The following ZNF431 variants were observed in gnomAD, a reference collection of about 807,000 sequenced individuals.
ZNF431 encodes zinc finger protein 431.
Under a neutral mutation model 57.0 loss-of-function variants are expected in ZNF431, and 34 were observed. The observed-to-expected ratio is 0.60, with a 90% confidence interval of 0.45 to 0.79. ZNF431 has a LOEUF of 0.79. ZNF431 is among the 30% of genes least tolerant of loss of function. The pLI is 0.00. For missense variants in ZNF431, 607 were observed against 667.1 expected, an observed-to-expected ratio of 0.91 and a Z score of 0.99; for synonymous variants, 207 against 220.3, an observed-to-expected ratio of 0.94 and a Z score of 0.54.
At chr19:21,180,944 GA>G (rs926830855) in intron 4 of ZNF431, among the ~76,000 whole-genome samples, 3,066 of 68,018 alleles carry the variant, frequency 0.045, 63 homozygotes, top group African/African-American at 0.11. Flanking sequence ...CATATCAAAA[GA>G]AAAAAAAAAA....
At chr19:21,157,641 C>G (rs922879601) in intron 2 of ZNF431, among the ~76,000 whole-genome samples, 5 of 151,890 alleles carry the variant, frequency 3.3e-5, no homozygotes, top group Admixed American at 1.3e-4. Flanking sequence ...AAGCTATTCT[C>G]CTGCCTCAGC....
chr19:21,165,413 G>A (rs942958649), intron 2 of ZNF431, among the ~76,000 whole-genome samples: 1 of 152,112 alleles, frequency 6.6e-6, no homozygotes. Context: ...TATGGAATGC[G>A]GGAGATATCT....
intron 4 of ZNF431, among the ~76,000 whole-genome samples, chr19:21,179,939 A>C (rs2065562765): frequency 6.6e-6 from 1 of 152,142 alleles, no homozygotes; most frequent in Non-Finnish European, 1.5e-5. Context: ...AGAAATAAAG[A>C]GGAGCAAGTT....
At chr19:21,175,350 T>A in intron 4 of ZNF431, 1 of 671,548 alleles carries the variant, frequency 1.5e-6, no homozygotes, top group Middle Eastern at 3.3e-4. Flanking sequence ...ATTAAGTAAT[T>A]TAACTAATTT....
rs2145076332 is a variant in ZNF431 at position 21,190,153 on chromosome 19, A to AGT, written c.*6121_*6122dup. On this transcript the variant is annotated 3_prime_UTR_variant, in exon 5 of 5. Transcript: ENST00000311048. The stretch of plus-strand genomic sequence containing the variant: ...CACTGCACTCCATCCTGGGCAACAG[A>AGT]GTGAGACTCGGTCTCAAGAGGGAAA... 2.8e-6 allele frequency: 1 copy of AGT among 355,550 alleles called. No individual in the cohort carries two copies. The highest frequency in any genetic ancestry group is 4.2e-5 in the East Asian group (1 of 24,064). The allele number at this position is 355,550 out of a possible 1,614,324, so 22.0% of individuals were successfully genotyped here.
chr19:21,161,038 C>T (rs987721510), intron 2 of ZNF431, among the ~76,000 whole-genome samples: 3 of 151,940 alleles, frequency 2.0e-5, no homozygotes, highest in Non-Finnish European at 4.4e-5. Context: ...CTTGGTGGCA[C>T]GTGCCTGTAA....
chr19:21,189,915 C>T lies in ZNF431; in HGVS notation c.*5881C>T. ...AATCCCAGCTCTGGGAGGCCAAGGC[C>T]AGTGGATTGCTTGAGCCCAGGAGTT... is the stretch of plus-strand genomic sequence containing the variant. On this transcript the variant is annotated 3_prime_UTR_variant, in exon 5 of 5. Transcript: ENST00000311048. 2.5e-6 allele frequency: 1 copy of T among 397,838 alleles called. No individual in the cohort carries two copies. Among genetic ancestry groups the T allele is most frequent in the Non-Finnish European group, 4.4e-6 (1 of 225,980 alleles). The allele number at this position is 397,838 out of a possible 1,614,324, so 24.6% of individuals were successfully genotyped here.
At chr19:21,159,983 T>G (rs1269255671) in intron 2 of ZNF431, among the ~76,000 whole-genome samples, 1 of 1,064 alleles carries the variant, frequency 9.4e-4, no homozygotes, top group Non-Finnish European at 4.9e-3. Context: ...TGCCTCAGCC[T>G]TTTTTTTTTT....
chr19:21,142,411 C>T (rs1307021020), intron 1 of ZNF431, among the ~76,000 whole-genome samples: 1 of 152,174 alleles, frequency 6.6e-6, no homozygotes, highest in African/African-American at 2.4e-5. Flanking sequence ...TGACTGTGCC[C>T]TGGCCTGGAG....
At chr19:21,152,279 G>A (rs1009833041) in intron 2 of ZNF431, among the ~76,000 whole-genome samples, 1 of 152,194 alleles carries the variant, frequency 6.6e-6, no homozygotes, top group East Asian at 1.9e-4. Context: ...AGGGTAGGAA[G>A]GCAAAGAGCT....
At chr19:21,166,572 C>T (rs1970726475) in intron 3 of ZNF431, 111 bp downstream of exon 3, 1 of 1,259,692 alleles carries the variant, frequency 7.9e-7, no homozygotes, top group South Asian at 1.6e-5. Context: ...TTTCTAATCC[C>T]AGTTTTCAAG....
At chr19:21,176,925 G>A (rs1215669300) in intron 4 of ZNF431, among the ~76,000 whole-genome samples, 1 of 152,066 alleles carries the variant, frequency 6.6e-6, no homozygotes, top group Non-Finnish European at 1.5e-5. Context: ...TTGAACTCCT[G>A]ACCCCATCCT....
At chr19:21,158,172 G>GT (rs1970473400) in intron 2 of ZNF431, among the ~76,000 whole-genome samples, 1 of 151,918 alleles carries the variant, frequency 6.6e-6, no homozygotes, top group Admixed American at 6.6e-5. Flanking sequence ...AGCATAACAT[G>GT]TTTTTTTAAT....
intron 2 of ZNF431, among the ~76,000 whole-genome samples, chr19:21,154,454 A>G (rs1486556525): frequency 6.6e-6 from 1 of 152,114 alleles, no homozygotes; most frequent in Non-Finnish European, 1.5e-5. Context: ...AGTCTTTGCT[A>G]TTGTGAATAG....
intron 4 of ZNF431, among the ~76,000 whole-genome samples, chr19:21,176,071 A>G (rs1043078975): frequency 6.6e-6 from 1 of 152,176 alleles, no homozygotes; most frequent in Non-Finnish European, 1.5e-5. Context: ...ATTTCTCCAT[A>G]GCCTCCCCAC....
chr19:21,143,616 T>C lies in ZNF431; in HGVS notation c.69T>C (p.Asn23=). ...GTGGATGCCCTGGGGCTGAGAGGAATCTTCTAGTTTACTCTTATTTTGAAA... is the reference window on the plus strand; with the variant it reads ...GTGGATGCCCTGGGGCTGAGAGGAACCTTCTAGTTTACTCTTATTTTGAAA... ...EASGCPGAER[N]LLVYSYFEKE... Residue 23 remains asparagine (N), a synonymous_variant, in exon 2 of 5, where the codon AAT becomes AAC. Coordinates refer to ENST00000311048, the MANE Select transcript of ZNF431 (RefSeq NM_133473.4). 6.2e-7 allele frequency: 1 copy of C among 1,613,756 alleles called. No individual in the cohort carries two copies. Among genetic ancestry groups the C allele is most frequent in the Non-Finnish European group, 8.5e-7 (1 of 1,179,680 alleles).
rs1376168344 is a variant in ZNF431 at position 21,186,982 on chromosome 19, CATG to C, written c.*2950_*2952del. ...TAAGTACTAGGGAGGCTTCATTAGT[CATG>C]AGGATGTTTTTATATATAAATGTAG... On this transcript the variant is annotated 3_prime_UTR_variant, in exon 5 of 5. Coordinates refer to ENST00000311048, the MANE Select transcript of ZNF431 (RefSeq NM_133473.4). The C allele has an allele frequency of 6.6e-6, 1 of 152,000 alleles. No individual in the cohort carries two copies. Among genetic ancestry groups the C allele is most frequent in the Non-Finnish European group, 1.5e-5 (1 of 68,002 alleles). 9.4% of individuals were successfully genotyped at this position (152,000 alleles called of 1,614,324 possible). A position where few individuals can be genotyped will look rare whatever the true frequency, so the allele number is the denominator to read the frequency against.
rs1479062690 is a variant in ZNF431, at chr19:21,185,920, G to A, written c.*1886G>A. ...CAATTAAATTTTTATTTACCACAGT[G>A]TTATTTTTATCGTCATAATAAAAAT... is the stretch of plus-strand genomic sequence containing the variant. On this transcript the variant is annotated 3_prime_UTR_variant, in exon 5 of 5. Transcript: ENST00000311048. The A allele has an allele frequency of 6.6e-6, 1 of 152,014 alleles. No homozygotes were observed. Among genetic ancestry groups the A allele is most frequent in the Non-Finnish European group, 1.5e-5 (1 of 68,000 alleles). The allele number at this position is 152,014 out of a possible 1,614,324, so 9.4% of individuals were successfully genotyped here.
At chr19:21,145,226 A>T (rs950367019) in intron 2 of ZNF431, among the ~76,000 whole-genome samples, 3 of 152,192 alleles carry the variant, frequency 2.0e-5, no homozygotes, top group Non-Finnish European at 2.9e-5. Flanking sequence ...CTGTAATCCC[A>T]GCACTTTGGG....
Sources: gnomAD v4.1 joint callset for allele counts (sites outside exome capture counted in the v4.1 genomes callset) on GRCh38, gnomAD v4.1.1 for gene constraint, MANE v1.5 for transcripts, NCBI Gene and HGNC (gene_info 2026-07-23, HGNC 2026-07-21) for gene names.